Variants in LRRC47 observed in about 807,000 individuals in gnomAD.
LRRC47 encodes the protein leucine rich repeat containing 47, also known as leucine-rich repeat-containing protein 47.
In LRRC47, 31 loss-of-function variants were observed where a neutral mutation model predicts 40.9. The observed-to-expected ratio is 0.76, with a 90% CI of 0.57 to 1.02. The LOEUF (loss-of-function observed/expected upper bound fraction) is 1.02. LRRC47 is among the 50% of genes least tolerant of loss of function. The pLI is 0.00. For synonymous variants in LRRC47, 427 were observed against 371.9 expected (o/e 1.15, Z -1.70); for missense variants, 726 against 796.1 (o/e 0.91, Z 1.06).
chr1:3,781,044 C>T lies in LRRC47; in HGVS notation c.*44G>A, dbSNP rs1643513807. 6.3e-7 allele frequency: 1 copy of T among 1,589,948 alleles called. No individual in the cohort carries two copies. The highest frequency in any genetic ancestry group is 2.3e-5 in the East Asian group (1 of 44,398). On this transcript the variant is annotated 3_prime_UTR_variant, in exon 7 of 7. Coordinates refer to ENST00000378251, the MANE Select transcript of LRRC47 (RefSeq NM_020710.3). ...TAATTCAGCATTGCCGCATAGAAAC[C>T]TCCGCAAAACCGGCCAAACAAACGC...
At chr1:3,795,148 A>G (rs1224356515) in intron 1 of LRRC47, among the ~76,000 whole-genome samples, 1 of 152,060 alleles carries the variant, frequency 6.6e-6, no homozygotes, top group East Asian at 1.9e-4. Context: ...AAACCAAAAG[A>G]GAAGATGGAG....
intron 2 of LRRC47, 105 bp from the exon 3 acceptor site, chr1:3,785,308 G>A (rs1051368115): frequency 5.3e-6 from 4 of 752,706 alleles, no homozygotes; most frequent in Non-Finnish European, 7.9e-6. Flanking sequence ...AACCCTCCCG[G>A]TCCAAGGTCT....
chr1:3,783,436 A>G (rs964064297), intron 4 of LRRC47, among the ~76,000 whole-genome samples: 7 of 151,272 alleles, frequency 4.6e-5, no homozygotes, highest in Admixed American at 3.3e-4. Context: ...AAAAAAAAAA[A>G]GCACACACCT....
At chr1:3,794,644 T>C (rs766009195) in intron 1 of LRRC47, among the ~76,000 whole-genome samples, 2 of 147,646 alleles carry the variant, frequency 1.4e-5, no homozygotes, top group Non-Finnish European at 3.0e-5. Flanking sequence ...CCGGCCAGGG[T>C]TTGTCTATAT....
rs1224443348 is a variant in LRRC47, at chr1:3,796,150, G to A, written c.327C>T (p.Asn109=). 1 of 1,437,762 alleles carries A rather than the reference G, an allele frequency of 7.0e-7. No homozygotes were observed. The highest frequency in any genetic ancestry group is 2.8e-5 in the Admixed American group (1 of 35,236). 89.1% of individuals were successfully genotyped at this position (1,437,762 alleles called of 1,614,324 possible). ...PALRVLDLSG[N]ALEALPPGQG... is the part of the protein sequence containing the mutation. ...GGCCCGGCGGCAGCGCCTCCAGCGC[G>A]TTGCCCGACAGGTCGAGCACCCGAA... The change falls in exon 1 of 7, where the codon AAC becomes AAT. Residue 109 remains asparagine (N), a synonymous_variant. Coordinates refer to ENST00000378251, the MANE Select transcript of LRRC47 (RefSeq NM_020710.3).
chr1:3,784,957 T>A, intron 3 of LRRC47, 130 bp downstream of exon 3: 1 of 515,512 alleles, frequency 1.9e-6, no homozygotes, highest in Non-Finnish European at 3.3e-6. Flanking sequence ...ATTGTGCCAC[T>A]GCACTCCAGC....
chr1:3,792,563 C>T (rs1235307380), intron 1 of LRRC47, among the ~76,000 whole-genome samples: 2 of 151,532 alleles, frequency 1.3e-5, no homozygotes, highest in African/African-American at 2.4e-5. Context: ...CGGGTTCAAG[C>T]GATTCTCCTG....
At chr1:3,784,343 G>C (rs562867869) in intron 3 of LRRC47, among the ~76,000 whole-genome samples, 1 of 152,336 alleles carries the variant, frequency 6.6e-6, no homozygotes, top group Non-Finnish European at 1.5e-5. Flanking sequence ...CTGAGGCAGG[G>C]CTTAACCTTA....
chr1:3,785,246 G>A, intron 2 of LRRC47, 43 bp from the exon 3 acceptor site: 1 of 1,390,650 alleles, frequency 7.2e-7, no homozygotes, highest in Non-Finnish European at 9.6e-7. Context: ...CTTGTGCCCT[G>A]AAGCCCAGCG....
At position 3,796,086 on chromosome 1, in the gene LRRC47, G is replaced by T; in HGVS notation, c.391C>A (p.Leu131Met). ...GPAEPPGLPQ[L>M]QSLNLSGNRL... Reference sequence around the variant, plus strand: ...TTGCCGCTGAGGTTGAGGCTCTGCAGCTGCGGAAGGCCCGGCGGCTCGGCG... The same window carrying T: ...TTGCCGCTGAGGTTGAGGCTCTGCATCTGCGGAAGGCCCGGCGGCTCGGCG... The change falls in exon 1 of 7, where the codon CTG (leucine) becomes ATG (methionine). Residue 131 changes from leucine to methionine, a missense_variant. By Grantham distance (15) the Leu-to-Met change is conservative. Transcript: ENST00000378251. The T allele has an allele frequency of 6.7e-7, 1 of 1,492,190 alleles. No homozygotes were observed. The highest frequency in any genetic ancestry group is 8.9e-7 in the Non-Finnish European group (1 of 1,127,962). 92.4% of individuals were successfully genotyped at this position (1,492,190 alleles called of 1,614,324 possible). A position where few individuals can be genotyped will look rare whatever the true frequency, so the allele number is the denominator to read the frequency against.
chr1:3,782,592 G>T, intron 5 of LRRC47, 69 bp downstream of exon 5: 2 of 959,430 alleles, frequency 2.1e-6, no homozygotes, highest in Non-Finnish European at 3.4e-6. Flanking sequence ...ACCACGCCCC[G>T]CAGACTTGTG....
In LRRC47 at chr1:3,787,146, G is replaced by A. The variant is rs2253143; in HGVS notation, c.780C>T (p.Val260=). 58,658 of 1,613,588 alleles carry A rather than the reference G, an allele frequency of 0.036. 3,374 individuals carry two copies. The highest frequency in any genetic ancestry group is 0.32 in the East Asian group (14,554 of 44,836). ...QTRSILEYLR[V]GGRGGGKGKG... is the part of the protein sequence containing the mutation. Reference sequence around the variant, plus strand: ...TGCCCTTCCCGCCACCACGGCCTCCGACGCGCAGGTACTCCAGGATGGATC... The same window carrying A: ...TGCCCTTCCCGCCACCACGGCCTCCAACGCGCAGGTACTCCAGGATGGATC... Residue 260 remains valine, a synonymous_variant, in exon 2 of 7, where the codon GTC becomes GTT. Transcript: ENST00000378251.
chr1:3,791,387 C>T lies in LRRC47; in HGVS notation c.616-4077G>A, dbSNP rs545163286. 8.5e-5 allele frequency among the ~76,000 whole-genome samples: 13 copies of T among 152,350 alleles called. No individual in the cohort carries two copies. In the East Asian group the frequency reaches 1.5e-3, roughly 18 times the overall value. ...GGAGCAAAGAGCCTTCAAGACCCAA[C>T]GGCACGCAGCCACAGAGAGACAGGG... is the stretch of plus-strand genomic sequence containing the variant. On this transcript the variant is annotated intron_variant, in intron 1 of 6. Transcript: ENST00000378251.
At position 3,781,043 on chromosome 1, in the gene LRRC47, C is replaced by A. The variant is rs896311826; in HGVS notation, c.*45G>T. 1 of 1,589,446 alleles carries A rather than the reference C, an allele frequency of 6.3e-7. No individual in the cohort carries two copies. The highest frequency in any genetic ancestry group is 8.6e-7 in the Non-Finnish European group (1 of 1,165,194). On this transcript the variant is annotated 3_prime_UTR_variant, in exon 7 of 7. Coordinates refer to ENST00000378251, the MANE Select transcript of LRRC47 (RefSeq NM_020710.3). ...ATAATTCAGCATTGCCGCATAGAAA[C>A]CTCCGCAAAACCGGCCAAACAAACG...
intron 5 of LRRC47, 92 bp from the exon 6 acceptor site, chr1:3,781,693 T>C: frequency 1.9e-6 from 2 of 1,074,644 alleles, no homozygotes; most frequent in Non-Finnish European, 2.8e-6. Flanking sequence ...TCTACAAAAC[T>C]GTGTGGCCAG....
rs1643671242 is a variant in LRRC47, at chr1:3,795,965, T to C, written c.512A>G (p.Glu171Gly). 6.3e-7 allele frequency: 1 copy of C among 1,588,964 alleles called. No individual in the cohort carries two copies. The highest frequency in any genetic ancestry group is 1.1e-5 in the South Asian group (1 of 87,884). The change falls in exon 1 of 7, where the codon GAG becomes GGG. Residue 171 changes from glutamate to glycine, a missense_variant. Physicochemically the swap from Glu to Gly is moderately conservative, Grantham distance 98 (BLOSUM62 -2). Transcript: ENST00000378251. ...GGGCAGCGCGCCGGGGCGAAAGAGC[T>C]CGGCGGGAAAGGAGTCTAGGCAATT... ...TGNCLDSFPA[E>G]LFRPGALPLL... is the part of the protein sequence containing the mutation.
chr1:3,789,884 C>T (rs1009289322), intron 1 of LRRC47, among the ~76,000 whole-genome samples: 7 of 152,228 alleles, frequency 4.6e-5, no homozygotes, highest in Admixed American at 1.3e-4. Flanking sequence ...AGATTTCACA[C>T]ATGAAGGGTG....
intron 1 of LRRC47, among the ~76,000 whole-genome samples, chr1:3,788,208 T>C (rs1454851784): frequency 2.0e-5 from 3 of 152,236 alleles, no homozygotes; most frequent in Non-Finnish European, 4.4e-5. Flanking sequence ...GCCTCCACTC[T>C]GCTCTTTCCT....
intron 1 of LRRC47, among the ~76,000 whole-genome samples, chr1:3,793,429 A>G (rs1370084656): frequency 6.6e-6 from 1 of 152,180 alleles, no homozygotes; most frequent in African/African-American, 2.4e-5. Flanking sequence ...GGCTTGGGCC[A>G]AGCTAACTTT....
Sources: allele counts gnomAD v4.1 joint callset (sites outside exome capture counted in the v4.1 genomes callset), GRCh38; gene constraint gnomAD v4.1.1; transcripts MANE v1.5; gene names NCBI Gene and HGNC (gene_info 2026-07-23, HGNC 2026-07-21).